WASL: variants seen among roughly 807,000 people sequenced by gnomAD.
The protein encoded by WASL is actin nucleation-promoting factor WASL.
WASL carries 20 observed loss-of-function variants against 55.5 expected under a neutral mutation model. The ratio of observed to expected loss-of-function variants is 0.36; its 90% confidence interval spans 0.25 to 0.52. The LOEUF is 0.52. Ranked by LOEUF, WASL falls within the 20% of genes least tolerant of loss-of-function variation. WASL has a pLI of 0.92. For missense variants in WASL, 504 were observed against 622.5 expected (o/e 0.81, Z 2.03); for synonymous variants, 249 against 217.6 (o/e 1.14, Z -1.27).
At chr7:123,704,949 T>C (rs544401784) in intron 4 of WASL, among the ~76,000 whole-genome samples, 2 of 152,278 alleles carry the variant, frequency 1.3e-5, no homozygotes, top group South Asian at 2.1e-4. Flanking sequence ...CTAGATCATG[T>C]AGGGTTCCAC....
intron 5 of WASL, among the ~76,000 whole-genome samples, chr7:123,700,032 C>T (rs981513523): frequency 5.3e-5 from 8 of 151,458 alleles, no homozygotes; most frequent in African/African-American, 9.7e-5. Flanking sequence ...AAAAATTATC[C>T]GGGCATGGTG....
Position 123,684,381 on chromosome 7 carries a change from T to TA in WASL, c.*137dup, listed in dbSNP as rs1056260849. 5.2e-5 allele frequency: 18 copies of TA among 349,162 alleles called. No individual in the cohort carries two copies. Among genetic ancestry groups the TA allele is most frequent in the East Asian group, 9.4e-5 (2 of 21,310 alleles). The allele number at this position is 349,162 out of a possible 1,614,324, so 21.6% of individuals were successfully genotyped here. On this transcript the variant is annotated 3_prime_UTR_variant, in exon 11 of 11. Coordinates refer to ENST00000223023, the MANE Select transcript of WASL (RefSeq NM_003941.4). ...AGATTAAATGAGGTATTGCACAGAT[T>TA]AAAAAAAAGCAAAAAAGGCAACAAA... is the stretch of plus-strand genomic sequence containing the variant.
intron 1 of WASL, among the ~76,000 whole-genome samples, chr7:123,728,190 TA>T (rs1292398011): frequency 3.3e-5 from 5 of 152,042 alleles, no homozygotes; most frequent in Non-Finnish European, 7.4e-5. Flanking sequence ...TACAAAAAAA[TA>T]AAAAAACTCA....
chr7:123,688,963 G>A (rs1803346446), intron 10 of WASL, 79 bp downstream of exon 10: 7 of 1,231,248 alleles, frequency 5.7e-6, no homozygotes, highest in East Asian at 2.4e-5. Context: ...ATAACAGAAC[G>A]TCAAACATTC....
chr7:123,697,011 TAGA>T (rs1307841085), intron 5 of WASL, among the ~76,000 whole-genome samples: 1 of 152,136 alleles, frequency 6.6e-6, no homozygotes, highest in East Asian at 1.9e-4. Flanking sequence ...AACTTCCAGC[TAGA>T]ATTTAAATAT....
chr7:123,695,769 G>T (rs1303508788), intron 7 of WASL, 54 bp downstream of exon 7: 1 of 1,553,580 alleles, frequency 6.4e-7, no homozygotes, highest in Non-Finnish European at 8.8e-7. Context: ...TCTAAAATAG[G>T]CCAACACATT....
rs2116758710 is a variant in WASL at position 123,683,301 on chromosome 7, A to G, written c.*1218T>C. On this transcript the variant is annotated 3_prime_UTR_variant, in exon 11 of 11. Transcript: ENST00000223023. ...TTAGGCAGATTAGTGTAGTGTAGAGAGGCAAAGAAACCCTAATTTTAACAC... is the reference window on the plus strand; with the variant it reads ...TTAGGCAGATTAGTGTAGTGTAGAGGGGCAAAGAAACCCTAATTTTAACAC... 6.6e-6 allele frequency: 1 copy of G among 152,152 alleles called. No homozygotes were observed. The highest frequency in any genetic ancestry group is 1.5e-5 in the Non-Finnish European group (1 of 67,948). The allele number at this position is 152,152 out of a possible 1,614,324, so 9.4% of individuals were successfully genotyped here.
chr7:123,686,581 A>C (rs1238553851), intron 10 of WASL, among the ~76,000 whole-genome samples: 2 of 152,150 alleles, frequency 1.3e-5, no homozygotes, highest in Admixed American at 6.5e-5. Context: ...ATACTATTAA[A>C]AAAAAACTTA....
At position 123,683,608 on chromosome 7, in the gene WASL, T is replaced by G. The variant is rs1584852346; in HGVS notation, c.*911A>C. On this transcript the variant is annotated 3_prime_UTR_variant, in exon 11 of 11. Coordinates refer to ENST00000223023, the MANE Select transcript of WASL (RefSeq NM_003941.4). ...ATCCACACAAAGTGCAAAATAAAAA[T>G]GCTAAAATTCTACAGTATTTTAGTA... The G allele has an allele frequency of 6.6e-6, 1 of 152,046 alleles. No individual in the cohort carries two copies. Among genetic ancestry groups the G allele is most frequent in the Non-Finnish European group, 1.5e-5 (1 of 67,940 alleles). The allele number at this position is 152,046 out of a possible 1,614,324, so 9.4% of individuals were successfully genotyped here.
rs149172758 is a variant in WASL, at chr7:123,703,425, G to C, written c.460+1209C>G. Among the ~76,000 whole-genome samples the C allele has an allele frequency of 2.9e-3, 442 of 152,168 alleles. 4 individuals carry two copies. The highest frequency in any genetic ancestry group is 0.01 in the African/African-American group (426 of 41,528). On this transcript the variant is annotated intron_variant, in intron 5 of 10. Transcript: ENST00000223023. ...TTAACTAGTAGTTGCTATTATTGTT[G>C]TCATCATCTTCATCAGAATAACTAA... is the stretch of plus-strand genomic sequence containing the variant.
chr7:123,699,212 C>T lies in WASL; in HGVS notation c.461-2465G>A, dbSNP rs572170779. Among the ~76,000 whole-genome samples, 38 of 152,054 alleles carry T rather than the reference C, an allele frequency of 2.5e-4. No individual in the cohort carries two copies. The South Asian group carries it at 6.6e-3, about 27-fold the overall frequency. On this transcript the variant is annotated intron_variant, in intron 5 of 10. Coordinates refer to ENST00000223023, the MANE Select transcript of WASL (RefSeq NM_003941.4). Reference sequence around the variant, plus strand: ...CAGCCTGGCCAATATGGTGAAACCGCGCCTCTAATACAAAAATTAGCCGGG... The same window carrying T: ...CAGCCTGGCCAATATGGTGAAACCGTGCCTCTAATACAAAAATTAGCCGGG...
intron 2 of WASL, among the ~76,000 whole-genome samples, chr7:123,708,867 G>A (rs1803712662): frequency 6.6e-6 from 1 of 151,510 alleles, no homozygotes. Context: ...GTGGTAGCAG[G>A]AGAAAGATAA....
intron 7 of WASL, among the ~76,000 whole-genome samples, chr7:123,695,544 G>A (rs192607872): frequency 6.6e-6 from 1 of 152,118 alleles, no homozygotes; most frequent in East Asian, 1.9e-4. Flanking sequence ...TTATCACTTG[G>A]CAGAAATGAT....
At position 123,727,376 on chromosome 7, in the gene WASL, C is replaced by CACACAA. The variant is rs1804065288; in HGVS notation, c.118-18154_118-18153insTTGTGT. 3.9e-5 allele frequency among the ~76,000 whole-genome samples: 6 copies of CACACAA among 152,046 alleles called. No homozygotes were observed. In the South Asian group the frequency reaches 1.2e-3, roughly 32 times the overall value. On this transcript the variant is annotated intron_variant, in intron 1 of 10. Coordinates refer to ENST00000223023, the MANE Select transcript of WASL (RefSeq NM_003941.4). ...TGTCACACACACACACACACACACA[C>CACACAA]ACACACAAACTTATACAAGAACACA...
At chr7:123,725,060 A>T (rs1403009248) in intron 1 of WASL, among the ~76,000 whole-genome samples, 2 of 152,208 alleles carry the variant, frequency 1.3e-5, no homozygotes, top group Non-Finnish European at 2.9e-5. Context: ...CAGCATACTA[A>T]AGTCAACGTA....
intron 1 of WASL, among the ~76,000 whole-genome samples, chr7:123,714,207 A>C (rs1405948191): frequency 1.3e-5 from 2 of 152,120 alleles, no homozygotes; most frequent in African/African-American, 4.8e-5. Flanking sequence ...AAAAAGAAAA[A>C]CAATGTATCT....
chr7:123,693,130 C>T (rs1315579674), intron 8 of WASL, among the ~76,000 whole-genome samples: 1 of 151,746 alleles, frequency 6.6e-6, no homozygotes, highest in East Asian at 1.9e-4. Context: ...GGAATTAGTA[C>T]CAGTTCTGAA....
At position 123,709,079 on chromosome 7, in the gene WASL, C is replaced by A; in HGVS notation, c.252+10G>T. 1 of 1,591,366 alleles carries A rather than the reference C, an allele frequency of 6.3e-7. No homozygotes were observed. The highest frequency in any genetic ancestry group is 1.2e-5 in the South Asian group (1 of 85,764). ...CACCTAGTTTAAAGTGAAAGCAAAACAAAACTCACCTTAATGTCAAATATT... is the reference window on the plus strand; with the variant it reads ...CACCTAGTTTAAAGTGAAAGCAAAAAAAAACTCACCTTAATGTCAAATATT... On this transcript the variant is annotated intron_variant, in intron 2 of 10. Coordinates refer to ENST00000223023, the MANE Select transcript of WASL (RefSeq NM_003941.4).
At chr7:123,696,518 A>T (rs1803494906) in intron 6 of WASL, 61 bp downstream of exon 6, 1 of 1,420,788 alleles carries the variant, frequency 7.0e-7, no homozygotes, top group East Asian at 2.5e-5. Context: ...CAAGTTAAAA[A>T]TCAAGAACAG....
Sources: gnomAD v4.1 joint callset for allele counts (sites outside exome capture counted in the v4.1 genomes callset) on GRCh38, gnomAD v4.1.1 for gene constraint, MANE v1.5 for transcripts, NCBI Gene and HGNC (gene_info 2026-07-23, HGNC 2026-07-21) for gene names.